The following FAAH2 variants were observed in gnomAD, a reference collection of about 807,000 sequenced individuals.
FAAH2 encodes the protein fatty-acid amide hydrolase 2.
FAAH2 carries 60 observed loss-of-function variants against 36.9 expected under a neutral mutation model. That is an observed-to-expected ratio of 1.63 (90% CI 1.32 to 2.02). The LOEUF is 2.02. FAAH2 is among the 30% of genes most tolerant of loss of function. The pLI is 0.00. For synonymous variants in FAAH2, 214 were observed against 143.8 expected (o/e 1.49, Z -3.49); for missense variants, 689 against 397.5 (o/e 1.73, Z -6.23).
intron 8 of FAAH2, among the ~76,000 whole-genome samples, chrX:57,444,315 C>A (rs1357736021): frequency 8.9e-6 from 1 of 112,069 alleles, no homozygotes; most frequent in African/African-American, 3.2e-5. Context: ...ATGGCGGATG[C>A]CCCTCCCCCA....
At chrX:57,395,402 G>A (rs2147281927) in intron 7 of FAAH2, 1 of 713,178 alleles carries the variant, frequency 1.4e-6, no homozygotes, top group South Asian at 2.2e-5. Context: ...GATTTCTGCT[G>A]GTGCCATGGC....
chrX:57,325,340 G>T (rs1210538876), intron 3 of FAAH2, among the ~76,000 whole-genome samples: 1 of 111,411 alleles, frequency 9.0e-6, no homozygotes, highest in African/African-American at 3.3e-5. Flanking sequence ...GTATCAGGAT[G>T]ATGCTGGCCT....
chrX:57,417,189 G>A (rs1424481786), intron 7 of FAAH2, among the ~76,000 whole-genome samples: 1 of 111,567 alleles, frequency 9.0e-6, no homozygotes, highest in Non-Finnish European at 1.9e-5. Flanking sequence ...TTAGTTTGGA[G>A]GAGTTTGTTA....
chrX:57,482,933 C>A (rs1397043080), intron 10 of FAAH2, among the ~76,000 whole-genome samples: 1 of 109,904 alleles, frequency 9.1e-6, no homozygotes, highest in Non-Finnish European at 1.9e-5. Context: ...CTCTACCTAT[C>A]TTTAATGTTT....
At chrX:57,273,498 C>T in the FAAH2 span, among the ~76,000 whole-genome samples, 3 of 111,227 alleles carry the variant, frequency 2.7e-5, no homozygotes, top group Non-Finnish European at 5.7e-5. Flanking sequence ...TAAAATTGAC[C>T]ACATAATTGG....
At chrX:57,424,825 T>C (rs1049235895) in intron 7 of FAAH2, among the ~76,000 whole-genome samples, 12 of 111,552 alleles carry the variant, frequency 1.1e-4, no homozygotes, top group African/African-American at 3.6e-4. Flanking sequence ...TATGAAAAAA[T>C]GTGGGTGTTA....
At chrX:57,448,006 T>C (rs2056714289) in intron 9 of FAAH2, among the ~76,000 whole-genome samples, 2 of 112,239 alleles carry the variant, frequency 1.8e-5, no homozygotes, top group South Asian at 7.5e-4. Flanking sequence ...CTGTTTCCCC[T>C]TTTCTGAAGG....
At chrX:57,252,210 C>A in the FAAH2 span, among the ~76,000 whole-genome samples, 1 of 112,564 alleles carries the variant, frequency 8.9e-6, no homozygotes, top group Non-Finnish European at 1.9e-5. Flanking sequence ...CGGTTCTATG[C>A]TCACAGTGTA....
chrX:57,380,904 C>G lies in FAAH2; in HGVS notation c.879-8C>G. The G allele has an allele frequency of 9.2e-7, 1 of 1,090,424 alleles. No homozygotes were observed. The highest frequency in any genetic ancestry group is 1.2e-6 in the Non-Finnish European group (1 of 800,252). The allele number at this position is 1,090,424 out of a possible 1,213,427, so 89.9% of individuals were successfully genotyped here. On this transcript the variant is annotated splice_region_variant and splice_polypyrimidine_tract_variant and intron_variant, in intron 6 of 10. Transcript: ENST00000374900. ...TGTTGATGTCAGTTTCTTTTTAATC[C>G]TACACAGGTTAAAACTAGACACAAA...
chrX:57,305,561 T>A (rs182883602), intron 2 of FAAH2, among the ~76,000 whole-genome samples: 81 of 111,699 alleles, frequency 7.3e-4, no homozygotes, highest in Non-Finnish European at 1.3e-3. Context: ...CCATACTTTT[T>A]ATTTTGCAAA....
intron 10 of FAAH2, chrX:57,452,302 T>C (rs1384263534): frequency 1.3e-6 from 1 of 753,450 alleles, no homozygotes; most frequent in Admixed American, 8.7e-5. Flanking sequence ...ACTCAAGATT[T>C]ATATGTCAGG....
At chrX:57,446,427 G>T (rs1379003080) in intron 8 of FAAH2, among the ~76,000 whole-genome samples, 1 of 111,841 alleles carries the variant, frequency 8.9e-6, no homozygotes, top group Non-Finnish European at 1.9e-5. Flanking sequence ...GTTTGTTGAG[G>T]TATAATTCAT....
the FAAH2 span, among the ~76,000 whole-genome samples, chrX:57,188,577 T>C: frequency 9.0e-6 from 1 of 110,792 alleles, no homozygotes; most frequent in Non-Finnish European, 1.9e-5. Context: ...CTAATCTTAG[T>C]TATTTCTCGT....
the FAAH2 span, chrX:57,134,710 C>T: frequency 3.6e-5 from 4 of 111,494 alleles, no homozygotes; most frequent in African/African-American, 9.8e-5. Flanking sequence ...TCTGAGAGCC[C>T]CACTAACCCA....
chrX:57,208,816 G>A, the FAAH2 span, among the ~76,000 whole-genome samples: 1 of 112,139 alleles, frequency 8.9e-6, no homozygotes, highest in South Asian at 3.7e-4. Flanking sequence ...GTTATCTGCA[G>A]CAGGAACACG....
chrX:57,171,839 T>G, the FAAH2 span, among the ~76,000 whole-genome samples: 1 of 112,135 alleles, frequency 8.9e-6, no homozygotes, highest in African/African-American at 3.2e-5. Flanking sequence ...TTGCCTAGAC[T>G]GATGTGCAGA....
At chrX:57,181,070 A>T in the FAAH2 span, among the ~76,000 whole-genome samples, 29 of 111,660 alleles carry the variant, frequency 2.6e-4, no homozygotes, top group South Asian at 0.011. Context: ...TTTTTGATAA[A>T]ATTTAATATC....
chrX:57,419,823 G>C (rs897568049), intron 7 of FAAH2, among the ~76,000 whole-genome samples: 1 of 111,795 alleles, frequency 8.9e-6, no homozygotes, highest in African/African-American at 3.3e-5. Flanking sequence ...TAATGCCTAG[G>C]TTTTCTTCTA....
chrX:57,341,162 C>G (rs2053676453), intron 4 of FAAH2, 109 bp from the exon 5 acceptor site: 5 of 784,144 alleles, frequency 6.4e-6, no homozygotes, highest in Non-Finnish European at 8.8e-6. Context: ...AAAAGACTCA[C>G]TTTGGATCTA....
Sources: gnomAD v4.1 joint callset for allele counts (sites outside exome capture counted in the v4.1 genomes callset) on GRCh38, gnomAD v4.1.1 for gene constraint, MANE v1.5 for transcripts, NCBI Gene and HGNC (gene_info 2026-07-23, HGNC 2026-07-21) for gene names.